MYO9A: variants seen among roughly 807,000 people sequenced by gnomAD.
The protein encoded by MYO9A is myosin IXA.
MYO9A carries 103 observed loss-of-function variants against 293.3 expected under a neutral mutation model. That is an observed-to-expected ratio of 0.35 (90% CI 0.30 to 0.41). MYO9A has a LOEUF of 0.41. Among genes scored for constraint, MYO9A ranks in the 10% least tolerant of loss-of-function variants. MYO9A has a pLI of 1.00. For missense variants in MYO9A, 2,685 were observed against 3,033.0 expected (o/e 0.89, Z 2.69); for synonymous variants, 1,001 against 1,035.7 (o/e 0.97, Z 0.64).
intron 34 of MYO9A, chr15:71,858,501 GCCAGGACAGAAAA>G (rs1468519029): frequency 6.6e-6 from 1 of 152,196 alleles, no homozygotes; most frequent in Non-Finnish European, 1.5e-5. Flanking sequence ...GCAAACTATT[GCCAGGACAGAAAA>G]CCAAACACCG....
chr15:71,942,719 T>C (rs576110605), intron 15 of MYO9A, among the ~76,000 whole-genome samples: 2 of 152,178 alleles, frequency 1.3e-5, no homozygotes, highest in South Asian at 4.1e-4. Flanking sequence ...AATGTTTTAA[T>C]TAAAGTCATC....
At chr15:71,874,579 T>C (rs1050236426) in intron 32 of MYO9A, among the ~76,000 whole-genome samples, 1 of 152,210 alleles carries the variant, frequency 6.6e-6, no homozygotes, top group East Asian at 1.9e-4. Flanking sequence ...ATGATTTGAT[T>C]TTTATGTTTA....
At chr15:71,837,212 GAGGGTAGTTCTA>G (rs1320542555) in intron 39 of MYO9A, among the ~76,000 whole-genome samples, 1 of 152,010 alleles carries the variant, frequency 6.6e-6, no homozygotes, top group East Asian at 1.9e-4. Flanking sequence ...GTAAAGGCTG[GAGGGTAGTTCTA>G]AGGGCATTCA....
At chr15:72,032,690 T>A in intron 2 of MYO9A, 102 bp from the exon 3 acceptor site, 1 of 626,106 alleles carries the variant, frequency 1.6e-6, no homozygotes, top group South Asian at 3.3e-5. Context: ...AGACAAAATG[T>A]TAAAGAGACA....
intron 14 of MYO9A, among the ~76,000 whole-genome samples, chr15:71,956,813 A>T (rs1260084366): frequency 6.8e-6 from 1 of 146,478 alleles, no homozygotes; most frequent in Non-Finnish European, 1.5e-5. Flanking sequence ...CTATATATAT[A>T]TGCTATATAT....
At chr15:71,966,115 G>T (rs1332405337) in intron 13 of MYO9A, among the ~76,000 whole-genome samples, 1 of 151,844 alleles carries the variant, frequency 6.6e-6, no homozygotes, top group Non-Finnish European at 1.5e-5. Context: ...GACCTCAGAT[G>T]ATCCACCCAT....
chr15:72,028,308 T>C (rs2077746670), intron 3 of MYO9A, among the ~76,000 whole-genome samples: 1 of 149,770 alleles, frequency 6.7e-6, no homozygotes, highest in Non-Finnish European at 1.5e-5. Context: ...GTTAAATTCA[T>C]ATGGTCACGA....
At position 72,021,010 on chromosome 15, in the gene MYO9A, G is replaced by C; in HGVS notation, c.1006C>G (p.His336Asp). 1 of 1,551,600 alleles carries C rather than the reference G, an allele frequency of 6.4e-7. No individual in the cohort carries two copies. ...VYQEHNERNY[H>D]VFYYLLAGAS... ...CCTGCCAGGAGGTAATAGAATACATGATAGTTCCTGTGGGAAACAAAGAAG... is the reference window on the plus strand; with the variant it reads ...CCTGCCAGGAGGTAATAGAATACATCATAGTTCCTGTGGGAAACAAAGAAG... Residue 336 changes from histidine (H) to aspartate (D), a missense_variant, in exon 5 of 42, where the codon CAT (histidine) becomes GAT (aspartate). This residue lies in a region of MYO9A where 289 missense variants were observed against 456.8 expected (regional missense o/e 0.63). Transcript: ENST00000356056.
chr15:72,113,877 A>C (rs534394815), intron 1 of MYO9A, among the ~76,000 whole-genome samples: 1 of 152,348 alleles, frequency 6.6e-6, no homozygotes, highest in East Asian at 1.9e-4. Context: ...AGAGGTTAGC[A>C]ACAGGAGCTA....
intron 7 of MYO9A, among the ~76,000 whole-genome samples, chr15:72,009,617 G>A (rs56745064): frequency 0.074 from 11,266 of 151,932 alleles, 1,407 homozygotes; most frequent in African/African-American, 0.25. Flanking sequence ...GGGAAGTTGA[G>A]GTGGGAGGAT....
At position 71,825,837 on chromosome 15, in the gene MYO9A, GCAATGTATTT is replaced by G; in HGVS notation, c.*733_*742del. On this transcript the variant is annotated 3_prime_UTR_variant, in exon 42 of 42. Transcript: ENST00000356056. ...TATGGCTACTGACACTTCAGCCCAT[GCAATGTATTT>G]GGCAGGAACTAAACAGGAGTTAAAC... 1 of 152,156 alleles carries G rather than the reference GCAATGTATTT, an allele frequency of 6.6e-6. No homozygotes were observed. The highest frequency in any genetic ancestry group is 1.5e-5 in the Non-Finnish European group (1 of 68,024). 9.4% of individuals were successfully genotyped at this position (152,156 alleles called of 1,614,324 possible).
Position 71,875,800 on chromosome 15 carries a change from T to A in MYO9A, c.5970A>T (p.Glu1990Asp). The A allele has an allele frequency of 7.3e-7, 1 of 1,368,428 alleles. No individual in the cohort carries two copies. The highest frequency in any genetic ancestry group is 9.5e-7 in the Non-Finnish European group (1 of 1,052,478). The allele number at this position is 1,368,428 out of a possible 1,614,324, so 84.8% of individuals were successfully genotyped here. ...ACAGATTATAACTTACCAAATCAGT[T>A]TCCTTTTTCCTTCTTTTCTTTCTTT... ...KTERKKRRKKETDLVEEHNGH... is the reference protein window; with the variant it reads ...KTERKKRRKKDTDLVEEHNGH... Residue 1990 changes from glutamate to aspartate, a missense_variant, in exon 32 of 42, where the codon GAA becomes GAT. By Grantham distance (45) the Glu-to-Asp change is conservative (BLOSUM62 2). This residue lies in a region of MYO9A where 1,434 missense variants were observed against 1,497.7 expected (regional missense o/e 0.96). Transcript: ENST00000356056.
intron 15 of MYO9A, among the ~76,000 whole-genome samples, chr15:71,940,919 T>C (rs967690113): frequency 2.6e-5 from 4 of 151,600 alleles, no homozygotes; most frequent in Non-Finnish European, 5.9e-5. Context: ...AGACTCCATC[T>C]CAAAGAAGAA....
chr15:72,011,650 T>C (rs1469452106), intron 6 of MYO9A, among the ~76,000 whole-genome samples: 1 of 152,120 alleles, frequency 6.6e-6, no homozygotes, highest in Non-Finnish European at 1.5e-5. Flanking sequence ...TTTTTAAGCA[T>C]AATCCTTGCA....
In MYO9A at chr15:71,862,670, G is replaced by A. The variant is rs1293222095; in HGVS notation, c.5980-59C>T. On this transcript the variant is annotated intron_variant, in intron 32 of 41. Coordinates refer to ENST00000356056, the MANE Select transcript of MYO9A (RefSeq NM_006901.4). ...CCAACACAGTAAATGCTGCCCTAAC[G>A]TGGTGGGAAATCCTTCAATCTCTTG... 18 of 1,132,292 alleles carry A rather than the reference G, an allele frequency of 1.6e-5. 1 individual carries two copies. Among genetic ancestry groups the A allele is most frequent in the South Asian group, 3.9e-5 (3 of 76,052 alleles). 70.1% of individuals were successfully genotyped at this position (1,132,292 alleles called of 1,614,324 possible).
chr15:71,873,163 C>T (rs560989665), intron 32 of MYO9A, among the ~76,000 whole-genome samples: 1 of 152,062 alleles, frequency 6.6e-6, no homozygotes, highest in Non-Finnish European at 1.5e-5. Context: ...GTGATCCACA[C>T]CTGCCTCAGC....
chr15:72,074,212 C>T (rs2079276627), intron 1 of MYO9A, among the ~76,000 whole-genome samples: 1 of 152,068 alleles, frequency 6.6e-6, no homozygotes, highest in Admixed American at 6.5e-5. Context: ...TCTCAGAATC[C>T]ATCAAATTTG....
At chr15:72,040,990 A>G (rs1200293819) in intron 2 of MYO9A, among the ~76,000 whole-genome samples, 2 of 152,196 alleles carry the variant, frequency 1.3e-5, no homozygotes, top group Non-Finnish European at 2.9e-5. Flanking sequence ...AAAGCTTGTA[A>G]TTCTAGCACT....
At chr15:71,977,141 T>C (rs1422049866) in intron 12 of MYO9A, among the ~76,000 whole-genome samples, 2 of 152,240 alleles carry the variant, frequency 1.3e-5, no homozygotes, top group Non-Finnish European at 2.9e-5. Context: ...TATTGAACAG[T>C]GTTATCAAGG....
Sources: gnomAD v4.1 joint callset for allele counts (sites outside exome capture counted in the v4.1 genomes callset) on GRCh38, gnomAD v4.1.1 for gene constraint, gnomAD v4.1.1 regional missense constraint, MANE v1.5 for transcripts, NCBI Gene and HGNC (gene_info 2026-07-23, HGNC 2026-07-21) for gene names.